ZBED1: variants seen among roughly 807,000 people sequenced by gnomAD.
ZBED1 encodes the protein E3 SUMO-protein ligase ZBED1.
ZBED1 carries 19 observed loss-of-function variants against 49.7 expected under a neutral mutation model. That is an observed-to-expected ratio of 0.38 (90% CI 0.27 to 0.56). The LOEUF (loss-of-function observed/expected upper bound fraction) is 0.56, where lower values mean the gene tolerates loss of function less well. Among genes scored for constraint, ZBED1 ranks in the 20% least tolerant of loss-of-function variants. ZBED1 has a pLI of 0.70. For missense variants in ZBED1, 806 were observed against 972.6 expected, an observed-to-expected ratio of 0.83 and a Z score of 2.28; for synonymous variants, 439 against 440.3, an observed-to-expected ratio of 1.00 and a Z score of 0.04.
intron 1 of ZBED1, among the ~76,000 whole-genome samples, chrX:2,499,054 G>A (rs1294467805): frequency 2.6e-5 from 4 of 152,264 alleles, no homozygotes; most frequent in East Asian, 3.9e-4. Flanking sequence ...GGCTAGAGGC[G>A]GGAGAGAGAG....
rs144439457 is a variant in ZBED1 at position 2,490,085 on chromosome X, G to A, written c.635C>T (p.Thr212Met). 1.5e-4 allele frequency: 238 copies of A among 1,613,710 alleles called. No homozygotes were observed. The highest frequency in any genetic ancestry group is 1.9e-4 in the Non-Finnish European group (227 of 1,179,892). The change falls in exon 2 of 2, where the codon ACG (threonine) becomes ATG (methionine). Residue 212 changes from threonine (T) to methionine (M), a missense_variant. Thr to Met is a moderately conservative substitution (Grantham distance 81). This residue lies in a region of ZBED1 where 749 missense variants were observed against 861.3 expected (regional missense o/e 0.87). Transcript: ENST00000652001. ...CAGGCCCAGGAAGTGGGCGGCCAGC[G>A]TGACGTAGGCGCGGTTCTGATTCTC... ...RSENQNRAYVTLAAHFLGLGA... is the reference protein window; with the variant it reads ...RSENQNRAYVMLAAHFLGLGA...
rs766597584 is a variant in ZBED1, at chrX:2,490,636, A to G, written c.84T>C (p.Tyr28=). ...CCTCGGCGTTGGTGTCGAAGCCGAA[A>G]TACTTCCACACCTTGCTCTTGGCGC... ...HPRAKSKVWK[Y]FGFDTNAEGC... Residue 28 remains tyrosine (Y), a synonymous_variant, in exon 2 of 2, where the codon TAT becomes TAC. Coordinates refer to ENST00000652001, the MANE Select transcript of ZBED1 (RefSeq NM_001171136.2). 1 of 1,613,902 alleles carries G rather than the reference A, an allele frequency of 6.2e-7. No individual in the cohort carries two copies. Among genetic ancestry groups the G allele is most frequent in the Non-Finnish European group, 8.5e-7 (1 of 1,179,848 alleles).
intron 1 of ZBED1, among the ~76,000 whole-genome samples, chrX:2,496,511 T>C (rs908067965): frequency 1.3e-5 from 2 of 152,080 alleles, no homozygotes; most frequent in African/African-American, 4.8e-5. Flanking sequence ...CCAATAGAGA[T>C]TTTAAATGTC....
At position 2,492,939 on chromosome X, in the gene ZBED1, C is replaced by T. The variant is rs183015131; in HGVS notation, c.-53-2167G>A. 1.1e-3 allele frequency among the ~76,000 whole-genome samples: 164 copies of T among 152,368 alleles called. 1 individual carries two copies. The highest frequency in any genetic ancestry group is 3.8e-3 in the African/African-American group (156 of 41,592). ...ATAATGAGTGGAGGTCTTAGAAAGG[C>T]CCCCCGTCTTCACGGGCAGTCGCGG... On this transcript the variant is annotated intron_variant, in intron 1 of 1. Coordinates refer to ENST00000652001, the MANE Select transcript of ZBED1 (RefSeq NM_001171136.2).
chrX:2,490,892 G>A (rs1230777449), intron 1 of ZBED1, 120 bp from the exon 2 acceptor site: 17 of 828,856 alleles, frequency 2.1e-5, no homozygotes, highest in African/African-American at 1.0e-4. Context: ...CACTGGGGCC[G>A]GACGGCTGGA....
intron 1 of ZBED1, among the ~76,000 whole-genome samples, chrX:2,496,263 A>G (rs1009189633): frequency 1.3e-5 from 2 of 152,124 alleles, no homozygotes; most frequent in African/African-American, 4.8e-5. Context: ...CAGTGGCGCA[A>G]TCTTGGCTGA....
chrX:2,499,500 T>C (rs552687908), intron 1 of ZBED1, among the ~76,000 whole-genome samples: 21 of 152,352 alleles, frequency 1.4e-4, no homozygotes, highest in African/African-American at 4.8e-4. Flanking sequence ...CTGGGCACAG[T>C]GGCGCTCTGT....
chrX:2,499,504 G>A (rs2045359994), intron 1 of ZBED1, among the ~76,000 whole-genome samples: 2 of 152,192 alleles, frequency 1.3e-5, no homozygotes, highest in African/African-American at 4.8e-5. Flanking sequence ...GCACAGTGGC[G>A]CTCTGTCTGT....
Position 2,489,838 on chromosome X carries a change from G to C in ZBED1, c.882C>G (p.Thr294=), listed in dbSNP as rs1213982178. Residue 294 remains threonine, a synonymous_variant, in exon 2 of 2, where the codon ACC becomes ACG. Transcript: ENST00000652001. ...VAVHMPCLGH[T]FNAGIQQAFQ... ...AGGCCTGCTGGATGCCGGCATTGAAGGTGTGGCCCAGGCAGGGCATGTGCA... is the reference window on the plus strand; with the variant it reads ...AGGCCTGCTGGATGCCGGCATTGAACGTGTGGCCCAGGCAGGGCATGTGCA... The C allele has an allele frequency of 6.2e-7, 1 of 1,613,696 alleles. No individual in the cohort carries two copies. The highest frequency in any genetic ancestry group is 2.2e-5 in the East Asian group (1 of 44,880).
Position 2,489,331 on chromosome X carries a change from G to C in ZBED1, c.1389C>G (p.Pro463=). ...CCACGTTGAGAAACATGTCGATCTCGGGCGTCTCCTGGTAGGTCTTGGAAA... is the reference window on the plus strand; with the variant it reads ...CCACGTTGAGAAACATGTCGATCTCCGGCGTCTCCTGGTAGGTCTTGGAAA... ...KELSKTYQET[P]EIDMFLNVAT... is the part of the protein sequence containing the mutation. The change falls in exon 2 of 2, where the codon CCC becomes CCG. Residue 463 remains proline (P), a synonymous_variant. Coordinates refer to ENST00000652001, the MANE Select transcript of ZBED1 (RefSeq NM_001171136.2). 1 of 1,613,886 alleles carries C rather than the reference G, an allele frequency of 6.2e-7. No individual in the cohort carries two copies. Among genetic ancestry groups the C allele is most frequent in the Non-Finnish European group, 8.5e-7 (1 of 1,179,848 alleles).
rs771083708 is a variant in ZBED1 at position 2,490,038 on chromosome X, T to C, written c.682A>G (p.Met228Val). Residue 228 changes from methionine to valine, a missense_variant, in exon 2 of 2, where the codon ATG becomes GTG. Coordinates refer to ENST00000652001, the MANE Select transcript of ZBED1 (RefSeq NM_001171136.2). ...AAGGTCTTCAGGCAGCGGGAGCCCATGGACAGGCAGTTGGGGGCGCCCAGG... is the reference window on the plus strand; with the variant it reads ...AAGGTCTTCAGGCAGCGGGAGCCCACGGACAGGCAGTTGGGGGCGCCCAGG... ...LGLGAPNCLS[M>V]GSRCLKTFEV... 6.8e-6 allele frequency: 11 copies of C among 1,613,792 alleles called. No individual in the cohort carries two copies. Among genetic ancestry groups the C allele is most frequent in the Non-Finnish European group, 9.3e-6 (11 of 1,179,858 alleles).
chrX:2,495,678 C>T (rs1449839818), intron 1 of ZBED1, among the ~76,000 whole-genome samples: 2 of 152,254 alleles, frequency 1.3e-5, no homozygotes, highest in East Asian at 3.9e-4. Flanking sequence ...TCCCTTGCAG[C>T]GCTTCCGAGC....
In ZBED1 at chrX:2,487,145, G is replaced by A. The variant is rs2044961355; in HGVS notation, c.*1490C>T. The A allele has an allele frequency of 6.6e-6, 1 of 152,196 alleles. No homozygotes were observed. Among genetic ancestry groups the A allele is most frequent in the Non-Finnish European group, 1.5e-5 (1 of 68,050 alleles). 9.4% of individuals were successfully genotyped at this position (152,196 alleles called of 1,614,324 possible). On this transcript the variant is annotated 3_prime_UTR_variant, in exon 2 of 2. Transcript: ENST00000652001. ...AAAACGTCTTTCTGTTTCCCTGAAT[G>A]ACTGAAAGCAACTCGCAGGAATCCA...
At chrX:2,495,056 T>C (rs978008686) in intron 1 of ZBED1, among the ~76,000 whole-genome samples, 34 of 151,348 alleles carry the variant, frequency 2.2e-4, no homozygotes, top group African/African-American at 8.2e-4. Context: ...GTCATTATTA[T>C]TATTATTGTT....
intron 1 of ZBED1, among the ~76,000 whole-genome samples, chrX:2,498,794 G>A (rs1459038621): frequency 6.6e-6 from 1 of 152,044 alleles, no homozygotes; most frequent in East Asian, 1.9e-4. Context: ...AAAACTGCCC[G>A]GATAAACATA....
chrX:2,491,066 GTTTTT>G (rs900738620), intron 1 of ZBED1, among the ~76,000 whole-genome samples: 7 of 110,256 alleles, frequency 6.3e-5, no homozygotes, highest in South Asian at 3.0e-4. Flanking sequence ...AGTGCCTTTA[GTTTTT>G]TTTTTTTTTT....
In ZBED1 at chrX:2,486,650, C is replaced by G. The variant is rs9577; in HGVS notation, c.*1985G>C. 0.26 allele frequency: 38,969 copies of G among 152,150 alleles called. 6,946 individuals carry two copies. Among genetic ancestry groups the G allele is most frequent in the African/African-American group, 0.49 (20,438 of 41,492 alleles). 9.4% of individuals were successfully genotyped at this position (152,150 alleles called of 1,614,324 possible). ...GGAGCCCACGGAGGCGTGGGCTGCC[C>G]TGCGTCCCCGGCCTCGGGGCAGAAC... On this transcript the variant is annotated 3_prime_UTR_variant, in exon 2 of 2. Transcript: ENST00000652001.
Position 2,489,789 on chromosome X carries a change from G to C in ZBED1, c.931C>G (p.Leu311Val). 1 of 1,613,452 alleles carries C rather than the reference G, an allele frequency of 6.2e-7. No homozygotes were observed. Among genetic ancestry groups the C allele is most frequent in the Non-Finnish European group, 8.5e-7 (1 of 1,179,866 alleles). The change falls in exon 2 of 2, where the codon CTG (leucine) becomes GTG (valine). Residue 311 changes from leucine (L) to valine (V), a missense_variant. By Grantham distance (32) the Leu-to-Val change is conservative (BLOSUM62 1). Coordinates refer to ENST00000652001, the MANE Select transcript of ZBED1 (RefSeq NM_001171136.2). ...QAFQLPKLGA[L>V]LSRCRKLVEY... ...ACCAGTTTGCGGCAGCGCGACAGCA[G>C]CGCCCCCAGCTTCGGGAGCTGGAAG...
Position 2,491,736 on chromosome X carries a change from C to T in ZBED1, c.-53-964G>A, listed in dbSNP as rs764870428. 1.1e-4 allele frequency among the ~76,000 whole-genome samples: 17 copies of T among 152,276 alleles called. No individual in the cohort carries two copies. The East Asian group carries it at 3.1e-3, about 28-fold the overall frequency. ...CTGAAGAAGCATGGATTTCTCAATCCCTGGAACTTCTCAAAATGCCCATTG... is the reference window on the plus strand; with the variant it reads ...CTGAAGAAGCATGGATTTCTCAATCTCTGGAACTTCTCAAAATGCCCATTG... On this transcript the variant is annotated intron_variant, in intron 1 of 1. Transcript: ENST00000652001.
Sources: gnomAD v4.1 joint callset for allele counts (sites outside exome capture counted in the v4.1 genomes callset) on GRCh38, gnomAD v4.1.1 for gene constraint, gnomAD v4.1.1 regional missense constraint, MANE v1.5 for transcripts, NCBI Gene and HGNC (gene_info 2026-07-23, HGNC 2026-07-21) for gene names.